Variants in LRRC7 observed in about 807,000 individuals in gnomAD.
The protein encoded by LRRC7 is leucine rich repeat containing 7, also known as leucine-rich repeat-containing protein 7.
A neutral mutation model predicts 175.7 loss-of-function variants in LRRC7; 23 were observed. That is an observed-to-expected ratio of 0.13 (90% CI 0.09 to 0.19). The LOEUF (loss-of-function observed/expected upper bound fraction) is 0.19, where lower values mean the gene tolerates loss of function less well. Among genes scored for constraint, LRRC7 ranks in the 10% least tolerant of loss-of-function variants. The probability of loss-of-function intolerance (pLI) is 1.00; values close to 1 mark genes in which losing one functional copy is unlikely to be tolerated. For missense variants in LRRC7, 1,354 were observed against 1,904.7 expected, an observed-to-expected ratio of 0.71 and a Z score of 5.38; for synonymous variants, 685 against 680.9, an observed-to-expected ratio of 1.01 and a Z score of -0.09.
At chr1:70,090,606 A>G (rs1188968960) in intron 25 of LRRC7, among the ~76,000 whole-genome samples, 1 of 152,122 alleles carries the variant, frequency 6.6e-6, no homozygotes, top group African/African-American at 2.4e-5. Flanking sequence ...TAATTATTCA[A>G]TGATAATTGA....
intron 2 of LRRC7, among the ~76,000 whole-genome samples, chr1:69,739,348 C>T (rs1668461288): frequency 6.6e-6 from 1 of 151,992 alleles, no homozygotes; most frequent in African/African-American, 2.4e-5. Context: ...ATATATTAGT[C>T]ACAGAAGGGG....
chr1:69,915,332 C>T (rs1398253610), intron 7 of LRRC7, among the ~76,000 whole-genome samples: 1 of 152,136 alleles, frequency 6.6e-6, no homozygotes, highest in East Asian at 1.9e-4. Context: ...TTTAAATACT[C>T]ACAATAACCT....
At chr1:69,858,455 A>G (rs1683976863) in intron 7 of LRRC7, among the ~76,000 whole-genome samples, 1 of 152,122 alleles carries the variant, frequency 6.6e-6, no homozygotes, top group African/African-American at 2.4e-5. Context: ...TTATAGTATA[A>G]TAATAAAAAA....
Position 69,760,321 on chromosome 1 carries a change from G to A in LRRC7, c.231G>A (p.Lys77=), listed in dbSNP as rs201760282. The change falls in exon 3 of 27, where the codon AAG becomes AAA. Residue 77 remains lysine (K), a synonymous_variant. Transcript: ENST00000651989. ...YSHCSLQQVP[K]EVFNFERTLE... The stretch of plus-strand genomic sequence containing the variant: ...ACTGCAGTCTTCAGCAGGTGCCAAA[G>A]GAGGTCTTTAACTTCGAACGAACAT... 6.2e-7 allele frequency: 1 copy of A among 1,612,914 alleles called. No individual in the cohort carries two copies. Among genetic ancestry groups the A allele is most frequent in the African/African-American group, 1.3e-5 (1 of 74,934 alleles).
At chr1:69,916,427 A>G (rs1047735422) in intron 7 of LRRC7, among the ~76,000 whole-genome samples, 6 of 150,964 alleles carry the variant, frequency 4.0e-5, no homozygotes, top group African/African-American at 1.5e-4. Context: ...TGGAAATGTC[A>G]GGAAGTTAAC....
At chr1:69,587,600 G>A (rs115736669) in intron 1 of LRRC7, among the ~76,000 whole-genome samples, 5 of 152,084 alleles carry the variant, frequency 3.3e-5, no homozygotes, top group African/African-American at 4.8e-5. Flanking sequence ...ACCACATCTC[G>A]TCTCAAATTG....
chr1:69,939,703 T>G (rs1251234180), intron 8 of LRRC7, among the ~76,000 whole-genome samples: 1 of 152,108 alleles, frequency 6.6e-6, no homozygotes, highest in Non-Finnish European at 1.5e-5. Flanking sequence ...TTGACGTCAT[T>G]TTCTCCAGAA....
intron 2 of LRRC7, among the ~76,000 whole-genome samples, chr1:69,728,246 TAAA>T (rs1422051997): frequency 6.6e-6 from 1 of 152,022 alleles, no homozygotes; most frequent in South Asian, 2.1e-4. Flanking sequence ...CTCTCCCTAT[TAAA>T]AAAATGGGAA....
At chr1:70,070,236 C>G (rs1662279985) in intron 23 of LRRC7, among the ~76,000 whole-genome samples, 2 of 152,062 alleles carry the variant, frequency 1.3e-5, no homozygotes, top group Admixed American at 1.3e-4. Context: ...CTCAACTGAC[C>G]CACCTGCCTC....
At chr1:69,741,965 T>A (rs919906176) in intron 2 of LRRC7, among the ~76,000 whole-genome samples, 2 of 152,022 alleles carry the variant, frequency 1.3e-5, no homozygotes, top group Non-Finnish European at 2.9e-5. Context: ...TAAGCCCATA[T>A]AAATTATTCA....
intron 1 of LRRC7, among the ~76,000 whole-genome samples, chr1:69,641,901 AG>A (rs1654270972): frequency 6.6e-6 from 1 of 151,832 alleles, no homozygotes; most frequent in Non-Finnish European, 1.5e-5. Flanking sequence ...ATCATTTATT[AG>A]TTACCTCGTT....
chr1:69,891,120 A>C (rs183901286), intron 7 of LRRC7, among the ~76,000 whole-genome samples: 18 of 152,358 alleles, frequency 1.2e-4, no homozygotes, highest in Admixed American at 4.6e-4. Context: ...ACTGTTTGGC[A>C]CAAGAGGTAT....
chr1:69,998,395 T>C (rs894873977), intron 11 of LRRC7, among the ~76,000 whole-genome samples: 5 of 152,194 alleles, frequency 3.3e-5, no homozygotes, highest in African/African-American at 1.2e-4. Context: ...GTTCAGACTT[T>C]GAAGAGTAGT....
At chr1:69,623,063 G>A (rs1205715883) in intron 1 of LRRC7, among the ~76,000 whole-genome samples, 1 of 152,034 alleles carries the variant, frequency 6.6e-6, no homozygotes, top group Admixed American at 6.5e-5. Flanking sequence ...TCTACCACTT[G>A]GATCTTTGAG....
At chr1:69,922,586 G>A (rs1646924247) in intron 7 of LRRC7, among the ~76,000 whole-genome samples, 1 of 151,954 alleles carries the variant, frequency 6.6e-6, no homozygotes, top group Admixed American at 6.6e-5. Context: ...TTTTTGTTAT[G>A]GAATAAATAA....
intron 2 of LRRC7, among the ~76,000 whole-genome samples, chr1:69,756,220 T>C (rs540062190): frequency 6.6e-6 from 1 of 151,326 alleles, no homozygotes; most frequent in East Asian, 2.0e-4. Flanking sequence ...TCACAGAAAA[T>C]AGACTAAAAA....
At position 70,039,611 on chromosome 1, in the gene LRRC7, G is replaced by A. The variant is rs763644949; in HGVS notation, c.3787G>A (p.Ala1263Thr). Residue 1263 changes from alanine (A) to threonine (T), a missense_variant, in exon 21 of 27, where the codon GCA becomes ACA. This residue lies in a region of LRRC7 where 1,032 missense variants were observed against 1,227.2 expected (regional missense o/e 0.84). Transcript: ENST00000651989. ...GCCAGTTTCAGCTAGGCCTACTATG[G>A]CAGCTCTTTTGGAAAAAATACCATC... ...TRPVSARPTM[A>T]ALLEKIPSDY... 2 of 1,614,076 alleles carry A rather than the reference G, an allele frequency of 1.2e-6. No individual in the cohort carries two copies. Among genetic ancestry groups the A allele is most frequent in the South Asian group, 2.2e-5 (2 of 91,086 alleles).
intron 7 of LRRC7, among the ~76,000 whole-genome samples, chr1:69,882,380 A>T (rs1222152217): frequency 5.3e-5 from 8 of 152,142 alleles, no homozygotes; most frequent in South Asian, 2.1e-4. Flanking sequence ...CAAAGAAAAT[A>T]AAAAAATCAA....
chr1:69,721,118 C>A (rs994143662), intron 2 of LRRC7, among the ~76,000 whole-genome samples: 1 of 151,860 alleles, frequency 6.6e-6, no homozygotes, highest in Non-Finnish European at 1.5e-5. Flanking sequence ...AAGTACAGAG[C>A]ATTCCCATTC....
Sources: allele counts gnomAD v4.1 joint callset (sites outside exome capture counted in the v4.1 genomes callset), GRCh38; gene constraint gnomAD v4.1.1; regional missense constraint gnomAD v4.1.1; transcripts MANE v1.5; gene names NCBI Gene and HGNC (gene_info 2026-07-23, HGNC 2026-07-21).